FBXL7: variants seen among roughly 807,000 people sequenced by gnomAD.
FBXL7 encodes F-box and leucine rich repeat protein 7, also known as F-box/LRR-repeat protein 7.
A neutral mutation model predicts 38.3 loss-of-function variants in FBXL7; 12 were observed. That is an observed-to-expected ratio of 0.31 (90% confidence interval 0.20 to 0.51). The LOEUF is 0.51. Among genes scored for constraint, FBXL7 ranks in the 20% least tolerant of loss-of-function variants. The pLI, the probability that FBXL7 is intolerant of heterozygous loss-of-function variation, is 0.98. For missense variants in FBXL7, 567 were observed against 676.4 expected (o/e 0.84, Z 1.79); for synonymous variants, 297 against 300.9 (o/e 0.99, Z 0.13).
chr5:15,901,756 A>G (rs1741239092), intron 2 of FBXL7, among the ~76,000 whole-genome samples: 1 of 152,206 alleles, frequency 6.6e-6, no homozygotes, highest in African/African-American at 2.4e-5. Context: ...ACAGTGCACT[A>G]AATACTCATT....
intron 2 of FBXL7, among the ~76,000 whole-genome samples, chr5:15,669,974 A>G (rs1042567690): frequency 8.5e-5 from 13 of 152,158 alleles, no homozygotes; most frequent in Admixed American, 3.9e-4. Context: ...TTTCAGAGAC[A>G]TCATTTGGTT....
intron 2 of FBXL7, among the ~76,000 whole-genome samples, chr5:15,626,991 C>A (rs1740843775): frequency 6.6e-6 from 1 of 152,092 alleles, no homozygotes. Context: ...GAGGATGATT[C>A]CTCCCCTTAG....
intron 2 of FBXL7, among the ~76,000 whole-genome samples, chr5:15,867,362 TC>T (rs1244785902): frequency 2.0e-5 from 3 of 152,144 alleles, no homozygotes; most frequent in African/African-American, 7.2e-5. Context: ...CAAACACACG[TC>T]CTACAGAAAG....
intron 2 of FBXL7, among the ~76,000 whole-genome samples, chr5:15,804,713 T>C (rs1321709290): frequency 1.3e-5 from 2 of 152,092 alleles, no homozygotes; most frequent in East Asian, 3.9e-4. Context: ...GTGGCAGCAT[T>C]AGATTCTCAC....
chr5:15,729,742 A>G (rs1412621661), intron 2 of FBXL7, among the ~76,000 whole-genome samples: 1 of 152,188 alleles, frequency 6.6e-6, no homozygotes, highest in African/African-American at 2.4e-5. Context: ...AATAGTAATG[A>G]TAATTTTCAT....
rs58967614 is a variant in FBXL7, at chr5:15,613,865, G to A, written c.38-2118G>A. Among the ~76,000 whole-genome samples the A allele has an allele frequency of 3.2e-4, 49 of 152,300 alleles. No homozygotes were observed. The East Asian group carries it at 8.9e-3, about 28-fold the overall frequency. On this transcript the variant is annotated intron_variant, in intron 1 of 3. Transcript: ENST00000504595. ...TGTATTTCTCACAGTTCTGGAGACC[G>A]ACAAGTCAAAGATCAAGGTGCCAGC...
chr5:15,760,805 T>C (rs1421779875), intron 2 of FBXL7, among the ~76,000 whole-genome samples: 1 of 152,122 alleles, frequency 6.6e-6, no homozygotes, highest in Non-Finnish European at 1.5e-5. Flanking sequence ...GAGGACAAAC[T>C]TAACTCTTAA....
Position 15,776,677 on chromosome 5 carries a change from T to C in FBXL7, c.128-151213T>C, listed in dbSNP as rs1223782437. The stretch of plus-strand genomic sequence containing the variant: ...TTTTTTTGGTATAATTTCTCGCATA[T>C]GTTTCTTATAACTTCATGGCACTAA... On this transcript the variant is annotated intron_variant, in intron 2 of 3. Coordinates refer to ENST00000504595, the MANE Select transcript of FBXL7 (RefSeq NM_012304.5). Among the ~76,000 whole-genome samples the C allele has an allele frequency of 2.6e-5, 4 of 152,178 alleles. No individual in the cohort carries two copies. In the South Asian group the frequency reaches 8.3e-4, roughly 31 times the overall value.
intron 1 of FBXL7, among the ~76,000 whole-genome samples, chr5:15,603,187 C>T (rs373894048): frequency 1.3e-5 from 2 of 152,112 alleles, no homozygotes; most frequent in African/African-American, 4.8e-5. Context: ...GCTTTATCTC[C>T]CTAGCCTAAT....
At chr5:15,742,095 G>A (rs371816916) in intron 2 of FBXL7, among the ~76,000 whole-genome samples, 1 of 152,130 alleles carries the variant, frequency 6.6e-6, no homozygotes, top group Non-Finnish European at 1.5e-5. Flanking sequence ...ACTTTTGGCT[G>A]TTTTTAGAGA....
intron 2 of FBXL7, among the ~76,000 whole-genome samples, chr5:15,667,823 A>G (rs192591889): frequency 5.8e-4 from 89 of 152,256 alleles, no homozygotes; most frequent in Admixed American, 1.4e-3. Flanking sequence ...TCTAGTCACT[A>G]GAAACTTTCG....
chr5:15,933,413 G>A (rs1002284964), intron 3 of FBXL7, among the ~76,000 whole-genome samples: 8 of 152,230 alleles, frequency 5.3e-5, no homozygotes, highest in African/African-American at 1.9e-4. Context: ...AAGAGCAAAG[G>A]TTATCATATG....
At chr5:15,852,949 A>G (rs1012959484) in intron 2 of FBXL7, among the ~76,000 whole-genome samples, 4 of 152,192 alleles carry the variant, frequency 2.6e-5, no homozygotes, top group African/African-American at 9.7e-5. Flanking sequence ...AAGCACAAAT[A>G]CAGTCACTTA....
chr5:15,569,833 A>G (rs935238538), intron 1 of FBXL7, among the ~76,000 whole-genome samples: 108 of 152,366 alleles, frequency 7.1e-4, no homozygotes, highest in African/African-American at 2.5e-3. Context: ...CCTTTTCTGC[A>G]TCTATTGAGA....
chr5:15,928,431 C>T lies in FBXL7; in HGVS notation c.669C>T (p.Tyr223=), dbSNP rs1474634874. Residue 223 remains tyrosine, a synonymous_variant, in exon 3 of 4, where the codon TAC becomes TAT. Coordinates refer to ENST00000504595, the MANE Select transcript of FBXL7 (RefSeq NM_012304.5). The surrounding 1 kb of genome is among the most constrained non-coding windows in gnomAD (Gnocchi z 4.0). ...GGCGACTGGAAGTCTCAGGCTGTTA[C>T]AATATCTCCAACGAGGCCGTCTTTG... The part of the protein sequence containing the change: ...ELRRLEVSGC[Y]NISNEAVFDV... 2 of 1,613,950 alleles carry T rather than the reference C, an allele frequency of 1.2e-6. No individual in the cohort carries two copies. Among genetic ancestry groups the T allele is most frequent in the Admixed American group, 1.7e-5 (1 of 60,014 alleles).
intron 1 of FBXL7, among the ~76,000 whole-genome samples, chr5:15,503,573 CCTTA>C (rs1295093162): frequency 2.0e-5 from 3 of 152,172 alleles, no homozygotes; most frequent in Non-Finnish European, 4.4e-5. Flanking sequence ...GTTTTCTGTA[CCTTA>C]CTTCCGATTT....
chr5:15,717,589 G>T (rs1744078651), intron 2 of FBXL7, among the ~76,000 whole-genome samples: 2 of 152,164 alleles, frequency 1.3e-5, no homozygotes, highest in Admixed American at 1.3e-4. Flanking sequence ...GTTCTTGATT[G>T]CCCCCTTGCA....
At chr5:15,804,310 A>C (rs1737647892) in intron 2 of FBXL7, among the ~76,000 whole-genome samples, 1 of 151,948 alleles carries the variant, frequency 6.6e-6, no homozygotes, top group African/African-American at 2.4e-5. Flanking sequence ...TTTACAAAAA[A>C]ATTTAAGAAC....
chr5:15,685,364 G>T (rs1459769375), intron 2 of FBXL7, among the ~76,000 whole-genome samples: 6 of 152,174 alleles, frequency 3.9e-5, no homozygotes, highest in Non-Finnish European at 8.8e-5. Context: ...AGCAACTGCA[G>T]TTACTCCAGT....
Sources: gnomAD v4.1 joint callset for allele counts (sites outside exome capture counted in the v4.1 genomes callset) on GRCh38, gnomAD v4.1.1 for gene constraint, Gnocchi (gnomAD v3.1) non-coding constraint, MANE v1.5 for transcripts, NCBI Gene and HGNC (gene_info 2026-07-23, HGNC 2026-07-21) for gene names.